The following ICE1 variants were observed in gnomAD, a reference collection of about 807,000 sequenced individuals.
ICE1 encodes the protein little elongation complex subunit 1.
ICE1 carries 64 observed loss-of-function variants against 192.7 expected under a neutral mutation model. That is an observed-to-expected ratio of 0.33 (90% CI 0.27 to 0.41). The LOEUF is 0.41. ICE1 is among the 10% of genes least tolerant of loss of function. The probability of loss-of-function intolerance (pLI) is 1.00; values close to 1 mark genes in which losing one functional copy is unlikely to be tolerated. For missense variants in ICE1, 2,708 were observed against 2,696.0 expected (o/e 1.00, Z -0.10); for synonymous variants, 1,010 against 984.5 (o/e 1.03, Z -0.49).
chr5:5,464,299 G>C lies in ICE1; in HGVS notation c.4965G>C (p.Ser1655=). 1 of 1,613,436 alleles carries C rather than the reference G, an allele frequency of 6.2e-7. No individual in the cohort carries two copies. Among genetic ancestry groups the C allele is most frequent in the Non-Finnish European group, 8.5e-7 (1 of 1,179,782 alleles). Residue 1655 remains serine, a synonymous_variant, in exon 13 of 19, where the codon TCG becomes TCC. Transcript: ENST00000296564. This position sits in a 1 kb window ranked among gnomAD's most constrained non-coding sequence, Gnocchi z 4.0. ...RTSQPLSPLI[S]SSSPSSPASP... The stretch of plus-strand genomic sequence containing the variant: ...CACAGCCACTGTCTCCACTGATATC[G>C]AGTTCTAGTCCTTCCTCACCAGCCT...
At chr5:5,450,997 A>G (rs1738399753) in intron 10 of ICE1, among the ~76,000 whole-genome samples, 2 of 152,204 alleles carry the variant, frequency 1.3e-5, no homozygotes, top group African/African-American at 4.8e-5. Context: ...TAAACCACAC[A>G]CCTGGAGTTT....
At chr5:5,424,891 T>C (rs1317738147) in intron 1 of ICE1, among the ~76,000 whole-genome samples, 2 of 152,064 alleles carry the variant, frequency 1.3e-5, no homozygotes, top group Non-Finnish European at 2.9e-5. Flanking sequence ...GTCAGGAAGG[T>C]AGGAGGAGGG....
rs367790734 is a variant in ICE1, at chr5:5,464,365, G to A, written c.5031G>A (p.Val1677=). The A allele has an allele frequency of 1.2e-6, 2 of 1,613,614 alleles. No individual in the cohort carries two copies. The highest frequency in any genetic ancestry group is 1.3e-5 in the African/African-American group (1 of 74,864). ...GQVSPFRETP[V]PPAMSPWPED... Reference sequence around the variant, plus strand: ...TTTCTCCCTTCCGTGAAACCCCAGTGCCTCCTGCCATGTCTCCATGGCCAG... The same window carrying A: ...TTTCTCCCTTCCGTGAAACCCCAGTACCTCCTGCCATGTCTCCATGGCCAG... Residue 1677 remains valine (V), a synonymous_variant, in exon 13 of 19, where the codon GTG becomes GTA. Transcript: ENST00000296564. This position sits in a 1 kb window ranked among gnomAD's most constrained non-coding sequence, Gnocchi z 4.0.
intron 18 of ICE1, among the ~76,000 whole-genome samples, chr5:5,487,911 A>G (rs534828709): frequency 6.6e-6 from 1 of 152,314 alleles, no homozygotes; most frequent in South Asian, 2.1e-4. Context: ...CTTCTTGTAT[A>G]CAGGAGGAAA....
rs1425050851 is a variant in ICE1 at position 5,461,331 on chromosome 5, C to T, written c.1997C>T (p.Thr666Ile). The T allele has an allele frequency of 1.7e-5, 28 of 1,613,774 alleles. 1 individual carries two copies. In the Admixed American group the frequency reaches 4.5e-4, roughly 26 times the overall value. Residue 666 changes from threonine to isoleucine, a missense_variant, in exon 13 of 19, where the codon ACT becomes ATT. By Grantham distance (89) the Thr-to-Ile change is moderately conservative. Around this residue, in one of 2 missense-constraint regions of ICE1, gnomAD observed 2,366 missense variants for 2,276.6 expected, o/e 1.04. Transcript: ENST00000296564. ...GATATTACTACTAAAGTATTCTCTA[C>T]TGAACCGCATCATTCAGAACATAAA... ...DTDITTKVFSTEPHHSEHKLQ... is the reference protein window; with the variant it reads ...DTDITTKVFSIEPHHSEHKLQ...
intron 17 of ICE1, among the ~76,000 whole-genome samples, chr5:5,478,695 A>G (rs1166862555): frequency 6.6e-6 from 1 of 152,210 alleles, no homozygotes; most frequent in East Asian, 1.9e-4. Context: ...ACTTCAAACT[A>G]TACTAAAAGG....
rs1474775771 is a variant in ICE1, at chr5:5,465,181, A to G, written c.5847A>G (p.Arg1949=). The G allele has an allele frequency of 1.3e-6, 2 of 1,599,140 alleles. No homozygotes were observed. Among genetic ancestry groups the G allele is most frequent in the East Asian group, 2.2e-5 (1 of 44,628 alleles). ...ATATCTCCAAAAAGCCCGTAATGAGAGATCAAGAGAAGGAAGTTGTTTATG... is the reference window on the plus strand; with the variant it reads ...ATATCTCCAAAAAGCCCGTAATGAGGGATCAAGAGAAGGAAGTTGTTTATG... ...VGNISKKPVM[R]DQEKEVVYEF... The change falls in exon 13 of 19, where the codon AGA becomes AGG. Residue 1949 remains arginine (R), a synonymous_variant. Coordinates refer to ENST00000296564, the MANE Select transcript of ICE1 (RefSeq NM_015325.3).
chr5:5,436,955 A>C, intron 2 of ICE1, 125 bp from the exon 3 acceptor site: 2 of 654,940 alleles, frequency 3.1e-6, no homozygotes, highest in Non-Finnish European at 5.5e-6. Context: ...TCATTAATTT[A>C]GCATGCATTT....
rs750724646 is a variant in ICE1 at position 5,457,501 on chromosome 5, C to T, written c.861C>T (p.Ser287=). Residue 287 remains serine, a synonymous_variant, in exon 12 of 19, where the codon TCC becomes TCT. Coordinates refer to ENST00000296564, the MANE Select transcript of ICE1 (RefSeq NM_015325.3). ...FLCQNVEKQS[S]SGTNCSSDHV... is the part of the protein sequence containing the mutation. ...GTCAAAATGTGGAAAAACAGAGCTC[C>T]AGTGGAACAAATTGTAGTTCTGACC... 6.2e-7 allele frequency: 1 copy of T among 1,613,934 alleles called. No homozygotes were observed. The highest frequency in any genetic ancestry group is 1.1e-5 in the South Asian group (1 of 91,068).
At position 5,462,830 on chromosome 5, in the gene ICE1, G is replaced by A. The variant is rs1161610706; in HGVS notation, c.3496G>A (p.Glu1166Lys). ...LQDFNISTFS[E>K]LDRLSTSEVV... ...AGATTTTAACATAAGTACTTTTTCT[G>A]AGCTGGATAGACTTTCCACATCAGA... Residue 1166 changes from glutamate (E) to lysine (K), a missense_variant, in exon 13 of 19, where the codon GAG becomes AAG. Around this residue, in one of 2 missense-constraint regions of ICE1, gnomAD observed 2,366 missense variants for 2,276.6 expected, o/e 1.04. Coordinates refer to ENST00000296564, the MANE Select transcript of ICE1 (RefSeq NM_015325.3). The A allele has an allele frequency of 1.9e-6, 3 of 1,610,266 alleles. No individual in the cohort carries two copies. Among genetic ancestry groups the A allele is most frequent in the Admixed American group, 3.4e-5 (2 of 59,322 alleles).
Position 5,464,038 on chromosome 5 carries a change from A to G in ICE1, c.4704A>G (p.Val1568=), listed in dbSNP as rs746327233. 5.0e-6 allele frequency: 8 copies of G among 1,613,620 alleles called. No individual in the cohort carries two copies. Among genetic ancestry groups the G allele is most frequent in the African/African-American group, 1.3e-5 (1 of 74,912 alleles). ...ISNKDQSNKP[V]KTSASSRVET... ...ACAAAGATCAGTCAAACAAACCAGT[A>G]AAAACTTCAGCGTCGAGCAGAGTTG... Residue 1568 remains valine, a synonymous_variant, in exon 13 of 19, where the codon GTA becomes GTG. Transcript: ENST00000296564. The surrounding 1 kb of genome is among the most constrained non-coding windows in gnomAD (Gnocchi z 4.0).
In ICE1 at chr5:5,460,787, C is replaced by A; in HGVS notation, c.1453C>A (p.Gln485Lys). 6.2e-7 allele frequency: 1 copy of A among 1,613,964 alleles called. No homozygotes were observed. Among genetic ancestry groups the A allele is most frequent in the Non-Finnish European group, 8.5e-7 (1 of 1,179,886 alleles). The change falls in exon 13 of 19, where the codon CAA becomes AAA. Residue 485 changes from glutamine to lysine, a missense_variant. Around this residue, in one of 2 missense-constraint regions of ICE1, gnomAD observed 2,366 missense variants for 2,276.6 expected, o/e 1.04. Coordinates refer to ENST00000296564, the MANE Select transcript of ICE1 (RefSeq NM_015325.3). ...AGACATTTTACATGAGACAAAAACA[C>A]AAATGGAGGTTAGGGAGATGGATAA... ...KRDILHETKT[Q>K]MEVREMDKSV...
chr5:5,454,292 T>G (rs1738521670), intron 10 of ICE1, among the ~76,000 whole-genome samples: 1 of 152,150 alleles, frequency 6.6e-6, no homozygotes, highest in Non-Finnish European at 1.5e-5. Flanking sequence ...GTACACATGG[T>G]CTTTTGAATC....
rs78050716 is a variant in ICE1, at chr5:5,462,381, T to G, written c.3047T>G (p.Val1016Gly). ...GTGACTGTGTCAGGAGGGTTTTCTG[T>G]TGAAGAAACCAGCTGTGGAGACACA... Reference protein sequence around the residue: ...TEVTVSGGFSVEETSCGDTGR... With the variant: ...TEVTVSGGFSGEETSCGDTGR... Residue 1016 changes from valine (V) to glycine (G), a missense_variant, in exon 13 of 19, where the codon GTT (valine) becomes GGT (glycine). Coordinates refer to ENST00000296564, the MANE Select transcript of ICE1 (RefSeq NM_015325.3). The G allele has an allele frequency of 4.0e-4, 649 of 1,613,998 alleles. 1 individual carries two copies. In the African/African-American group the frequency reaches 7.9e-3, roughly 20 times the overall value.
In ICE1 at chr5:5,422,895, A is replaced by G; in HGVS notation, c.-21A>G. 7.4e-7 allele frequency: 1 copy of G among 1,359,980 alleles called. No individual in the cohort carries two copies. The highest frequency in any genetic ancestry group is 9.5e-7 in the Non-Finnish European group (1 of 1,055,626). 84.2% of individuals were successfully genotyped at this position (1,359,980 alleles called of 1,614,324 possible). A position where few individuals can be genotyped will look rare whatever the true frequency, so the allele number is the denominator to read the frequency against. On this transcript the variant is annotated 5_prime_UTR_variant, in exon 1 of 19. Transcript: ENST00000296564. ...GCGGGCCCCTGAGGCGTGCGTGCCC[A>G]CCGGGCCCGGCGGCGGCACCATGAT...
At chr5:5,440,057 CATAAT>C in intron 4 of ICE1, 144 bp downstream of exon 4, 1 of 470,234 alleles carries the variant, frequency 2.1e-6, no homozygotes, top group Non-Finnish European at 3.8e-6. Context: ...CTTTGATGCT[CATAAT>C]AAAATAGGAC....
rs763357519 is a variant in ICE1 at position 5,454,601 on chromosome 5, A to G, written c.654A>G (p.Thr218=). 3 of 1,613,672 alleles carry G rather than the reference A, an allele frequency of 1.9e-6. No homozygotes were observed. The highest frequency in any genetic ancestry group is 3.3e-5 in the Admixed American group (2 of 59,980). The change falls in exon 11 of 19, where the codon ACA becomes ACG. Residue 218 remains threonine, a synonymous_variant. Coordinates refer to ENST00000296564, the MANE Select transcript of ICE1 (RefSeq NM_015325.3). ...AACTCTGGCTCTGTGTAAACACAACACACAGACTACCTGGTGAAGGCAGCA... is the reference window on the plus strand; with the variant it reads ...AACTCTGGCTCTGTGTAAACACAACGCACAGACTACCTGGTGAAGGCAGCA... The part of the protein sequence containing the change: ...LKELWLCVNT[T]HRLPGEGSRC...
intron 3 of ICE1, among the ~76,000 whole-genome samples, chr5:5,438,912 G>A (rs945262481): frequency 1.6e-4 from 24 of 152,054 alleles, no homozygotes; most frequent in Non-Finnish European, 3.2e-4. Context: ...TGCATTTGTT[G>A]TACCTCAAAT....
chr5:5,455,968 T>A (rs1035359832), intron 11 of ICE1, among the ~76,000 whole-genome samples: 21 of 152,184 alleles, frequency 1.4e-4, no homozygotes, highest in Non-Finnish European at 2.1e-4. Context: ...GTTTTTTTTT[T>A]AATCTCTCAT....
Sources: allele counts gnomAD v4.1 joint callset (sites outside exome capture counted in the v4.1 genomes callset), GRCh38; gene constraint gnomAD v4.1.1; regional missense constraint gnomAD v4.1.1; non-coding constraint Gnocchi (gnomAD v3.1); transcripts MANE v1.5; gene names NCBI Gene and HGNC (gene_info 2026-07-23, HGNC 2026-07-21).